GPHN: variants seen among roughly 807,000 people sequenced by gnomAD.
The protein encoded by GPHN is gephyrin.
GPHN carries 17 observed loss-of-function variants against 95.5 expected under a neutral mutation model. That is an observed-to-expected ratio of 0.18 (90% CI 0.12 to 0.27). The LOEUF (loss-of-function observed/expected upper bound fraction) is 0.27, where lower values mean the gene tolerates loss of function less well. Ranked by LOEUF, GPHN falls within the 10% of genes least tolerant of loss-of-function variation. The pLI is 1.00. For missense variants in GPHN, 660 were observed against 978.1 expected, an observed-to-expected ratio of 0.67 and a Z score of 4.34; for synonymous variants, 320 against 322.5, an observed-to-expected ratio of 0.99 and a Z score of 0.08.
intron 10 of GPHN, among the ~76,000 whole-genome samples, chr14:67,033,196 A>G (rs2074269849): frequency 2.0e-5 from 3 of 152,158 alleles, no homozygotes; most frequent in Admixed American, 2.0e-4. Context: ...CAACAGCAAA[A>G]TTGGAAGACA....
At chr14:67,577,400 C>T in the GPHN span, 1 of 1,581,640 alleles carries the variant, frequency 6.3e-7, no homozygotes, top group East Asian at 2.3e-5. Context: ...GACGGAGGCC[C>T]TCAAGCTCTT....
At chr14:67,718,158 T>C in the GPHN span, among the ~76,000 whole-genome samples, 4 of 152,150 alleles carry the variant, frequency 2.6e-5, no homozygotes, top group Non-Finnish European at 5.9e-5. Flanking sequence ...AAGTTCCTCA[T>C]GGCTGGAAAA....
intron 5 of GPHN, among the ~76,000 whole-genome samples, chr14:66,888,578 G>C (rs2064317049): frequency 6.6e-6 from 1 of 151,656 alleles, no homozygotes; most frequent in Admixed American, 6.6e-5. Context: ...AAGGAAAATA[G>C]GTACAGGATG....
chr14:67,597,249 G>A, the GPHN span, among the ~76,000 whole-genome samples: 10 of 152,216 alleles, frequency 6.6e-5, no homozygotes, highest in African/African-American at 2.2e-4. Flanking sequence ...AGGCCAACAT[G>A]GGGGGATCGC....
At chr14:66,745,887 C>G (rs547697659) in intron 2 of GPHN, among the ~76,000 whole-genome samples, 1 of 151,986 alleles carries the variant, frequency 6.6e-6, no homozygotes, top group African/African-American at 2.4e-5. Flanking sequence ...CTGCCTATCA[C>G]AGATCTGTTT....
intron 8 of GPHN, among the ~76,000 whole-genome samples, chr14:66,946,276 A>C (rs1163128506): frequency 1.3e-5 from 2 of 152,322 alleles, no homozygotes; most frequent in Middle Eastern, 3.4e-3. Context: ...TAGGAGAGAA[A>C]ATTAATCTGG....
chr14:67,049,946 C>T (rs188270668), intron 10 of GPHN, among the ~76,000 whole-genome samples: 1,833 of 152,298 alleles, frequency 0.012, 19 homozygotes, highest in Non-Finnish European at 0.018. Context: ...CACATGCATG[C>T]ACACACAACC....
At chr14:67,109,099 C>G (rs181603736) in intron 13 of GPHN, among the ~76,000 whole-genome samples, 1 of 152,142 alleles carries the variant, frequency 6.6e-6, no homozygotes, top group Admixed American at 6.5e-5. Flanking sequence ...TTACTGAATA[C>G]GTAAGCAATT....
the GPHN span, chr14:67,674,299 G>C: frequency 1.5e-6 from 2 of 1,360,510 alleles, no homozygotes; most frequent in Non-Finnish European, 2.0e-6. Flanking sequence ...CCCGGGTCTG[G>C]GAGGAAGGTG....
the GPHN span, among the ~76,000 whole-genome samples, chr14:67,368,706 A>G: frequency 3.4e-5 from 5 of 147,230 alleles, no homozygotes; most frequent in East Asian, 1.0e-3. Context: ...AAGGTTAAGG[A>G]TGTATATTGT....
the GPHN span, among the ~76,000 whole-genome samples, chr14:67,313,055 G>A: frequency 2.6e-5 from 4 of 152,074 alleles, no homozygotes; most frequent in Admixed American, 2.0e-4. Context: ...CATGATTTTT[G>A]AGAAGGAAAG....
chr14:67,026,385 A>G (rs2073926663), intron 10 of GPHN, among the ~76,000 whole-genome samples: 1 of 152,144 alleles, frequency 6.6e-6, no homozygotes. Flanking sequence ...TTTCTTGATA[A>G]TGATGATGAT....
chr14:66,922,298 A>G (rs1372994398), intron 6 of GPHN, among the ~76,000 whole-genome samples: 7 of 149,580 alleles, frequency 4.7e-5, no homozygotes, highest in Admixed American at 1.3e-4. Flanking sequence ...CACTGTAACT[A>G]TTTTTATTAC....
At chr14:67,623,498 G>T in the GPHN span, among the ~76,000 whole-genome samples, 1 of 148,522 alleles carries the variant, frequency 6.7e-6, no homozygotes, top group Non-Finnish European at 1.5e-5. Flanking sequence ...ATTTCCTTGG[G>T]CTTAGTAAGG....
intron 8 of GPHN, among the ~76,000 whole-genome samples, chr14:66,931,519 C>G (rs1004851231): frequency 4.6e-5 from 7 of 152,096 alleles, no homozygotes; most frequent in Non-Finnish European, 8.8e-5. Context: ...AGGCTATTTT[C>G]TAGATCCTAT....
chr14:66,580,533 G>T (rs2061113361), intron 1 of GPHN, among the ~76,000 whole-genome samples: 1 of 151,738 alleles, frequency 6.6e-6, no homozygotes, highest in African/African-American at 2.4e-5. Context: ...ACTGGAATAT[G>T]AAGGATCATA....
At chr14:66,835,500 G>A (rs992803599) in intron 4 of GPHN, among the ~76,000 whole-genome samples, 50 of 151,560 alleles carry the variant, frequency 3.3e-4, no homozygotes, top group African/African-American at 1.1e-3. Context: ...TACTGAATGG[G>A]CAAAAACTGG....
At chr14:67,310,967 G>A in the GPHN span, among the ~76,000 whole-genome samples, 98 of 152,282 alleles carry the variant, frequency 6.4e-4, 1 homozygote, top group East Asian at 0.015. Context: ...TTTTGGGGTA[G>A]ACTGGTATTA....
At chr14:67,492,475 G>T in the GPHN span, among the ~76,000 whole-genome samples, 2 of 152,186 alleles carry the variant, frequency 1.3e-5, no homozygotes, top group Non-Finnish European at 2.9e-5. Context: ...CAGCCTCACT[G>T]GCAAAGTGAC....
Sources: gnomAD v4.1 joint callset for allele counts (sites outside exome capture counted in the v4.1 genomes callset) on GRCh38, gnomAD v4.1.1 for gene constraint, MANE v1.5 for transcripts, NCBI Gene and HGNC (gene_info 2026-07-23, HGNC 2026-07-21) for gene names.